The following ZNF831 variants were observed in gnomAD, a reference collection of about 807,000 sequenced individuals.
ZNF831 encodes zinc finger protein 831.
Under a neutral mutation model 95.8 loss-of-function variants are expected in ZNF831, and 59 were observed. The observed-to-expected ratio is 0.62, with a 90% CI of 0.50 to 0.77. ZNF831 has a LOEUF of 0.77. ZNF831 is among the 30% of genes least tolerant of loss of function. ZNF831 has a pLI of 0.00. For missense variants in ZNF831, 2,205 were observed against 2,164.0 expected (o/e 1.02, Z -0.38); for synonymous variants, 961 against 925.5 (o/e 1.04, Z -0.70).
In ZNF831 at chr20:59,253,983, C is replaced by G. The variant is rs1462086471; in HGVS notation, c.4274C>G (p.Thr1425Ser). The G allele has an allele frequency of 6.2e-7, 1 of 1,612,780 alleles. No homozygotes were observed. Among genetic ancestry groups the G allele is most frequent in the Admixed American group, 1.7e-5 (1 of 59,898 alleles). ...ATSGLSLQSD[T>S]CLAVVNDVPL... ...TCAGGATTATCTCTGCAATCTGACA[C>G]CTGCCTGGCAGTGGTTAATGACGTG... Residue 1425 changes from threonine to serine, a missense_variant, in exon 6 of 6, where the codon ACC becomes AGC. Coordinates refer to ENST00000371030, the MANE Select transcript of ZNF831 (RefSeq NM_178457.3).
rs1197508165 is a variant in ZNF831 at position 59,194,407 on chromosome 20, C to A, written c.3388C>A (p.Pro1130Thr). ...CCCCGACCCGTGTTCCCCCCTCCAGCCTGGCTCCTTCCTCACTGCCCTCAC... is the reference window on the plus strand; with the variant it reads ...CCCCGACCCGTGTTCCCCCCTCCAGACTGGCTCCTTCCTCACTGCCCTCAC... ...VGPDPCSPLQ[P>T]GSFLTALTRP... is the part of the protein sequence containing the mutation. Residue 1130 changes from proline to threonine, a missense_variant, in exon 2 of 6, where the codon CCT (proline) becomes ACT (threonine). Physicochemically the swap from Pro to Thr is conservative, Grantham distance 38 (BLOSUM62 -1). Transcript: ENST00000371030. 1 of 1,610,352 alleles carries A rather than the reference C, an allele frequency of 6.2e-7. No homozygotes were observed. Among genetic ancestry groups the A allele is most frequent in the Admixed American group, 1.7e-5 (1 of 59,760 alleles).
chr20:59,138,890 G>A (rs1295054436), intron 1 of ZNF831, among the ~76,000 whole-genome samples: 1 of 152,162 alleles, frequency 6.6e-6, no homozygotes, highest in Non-Finnish European at 1.5e-5. Flanking sequence ...GCCAGTGGAT[G>A]TTCCCTTGGA....
intron 4 of ZNF831, among the ~76,000 whole-genome samples, chr20:59,212,647 G>A (rs2146652757): frequency 6.6e-6 from 1 of 152,240 alleles, no homozygotes; most frequent in South Asian, 2.1e-4. Context: ...GAAGGGATTG[G>A]TAAGAAAGTT....
At chr20:59,123,418 C>A (rs1979067140) in exon 1 of ZNF831, 2 of 152,244 alleles carry the variant, frequency 1.3e-5, no homozygotes, top group African/African-American at 4.8e-5. Flanking sequence ...ACCAAAACAA[C>A]CCCAGCTAAG....
chr20:59,214,380 A>G (rs79522003), intron 4 of ZNF831, among the ~76,000 whole-genome samples: 20 of 152,280 alleles, frequency 1.3e-4, no homozygotes, highest in African/African-American at 4.3e-4. Flanking sequence ...GGTTAAATGC[A>G]TGTGTGATGG....
Position 59,254,555 on chromosome 20 carries a change from C to A in ZNF831, c.4846C>A (p.Gln1616Lys), listed in dbSNP as rs1380655526. The change falls in exon 6 of 6, where the codon CAG becomes AAG. Residue 1616 changes from glutamine to lysine, a missense_variant. Physicochemically the swap from Gln to Lys is moderately conservative, Grantham distance 53. Coordinates refer to ENST00000371030, the MANE Select transcript of ZNF831 (RefSeq NM_178457.3). The surrounding 1 kb of genome is among the most constrained non-coding windows in gnomAD (Gnocchi z 4.5). Reference sequence around the variant, plus strand: ...TTTAGGAAGTGACGGTAGGAAACGTCAGGTATCTGGATTAATCACTCGGAA... The same window carrying A: ...TTTAGGAAGTGACGGTAGGAAACGTAAGGTATCTGGATTAATCACTCGGAA... Reference protein sequence around the residue: ...PSLGSDGRKRQVSGLITRKDS... With the variant: ...PSLGSDGRKRKVSGLITRKDS... 6.2e-7 allele frequency: 1 copy of A among 1,614,064 alleles called. No individual in the cohort carries two copies. Among genetic ancestry groups the A allele is most frequent in the Non-Finnish European group, 8.5e-7 (1 of 1,180,044 alleles).
chr20:59,129,609 TGA>T (rs2146434756), intron 1 of ZNF831, among the ~76,000 whole-genome samples: 2 of 152,002 alleles, frequency 1.3e-5, no homozygotes, highest in East Asian at 3.9e-4. Context: ...GGTGACAGAG[TGA>T]GTCTCTGGCT....
chr20:59,205,233 T>TC (rs1984809268), intron 3 of ZNF831, among the ~76,000 whole-genome samples: 1 of 152,072 alleles, frequency 6.6e-6, no homozygotes, highest in Non-Finnish European at 1.5e-5. Flanking sequence ...ACCCCTTCCT[T>TC]CCTCCCTTTG....
chr20:59,155,492 A>G (rs1192287203), intron 2 of ZNF831, among the ~76,000 whole-genome samples: 3 of 152,192 alleles, frequency 2.0e-5, no homozygotes, highest in Non-Finnish European at 4.4e-5. Context: ...CATCTTGCTC[A>G]TTAGCTGGTC....
chr20:59,151,898 C>T (rs890278734), intron 2 of ZNF831, among the ~76,000 whole-genome samples: 2 of 152,178 alleles, frequency 1.3e-5, no homozygotes, highest in African/African-American at 4.8e-5. Flanking sequence ...AAGGTGTACA[C>T]CAAAGGCAGG....
chr20:59,220,325 C>G (rs1423033287), intron 4 of ZNF831, among the ~76,000 whole-genome samples: 1 of 152,206 alleles, frequency 6.6e-6, no homozygotes, highest in East Asian at 1.9e-4. Flanking sequence ...CACGGAGGCA[C>G]CAGGTGCGCC....
At chr20:59,204,200 A>G (rs1984723416) in intron 3 of ZNF831, among the ~76,000 whole-genome samples, 1 of 152,252 alleles carries the variant, frequency 6.6e-6, no homozygotes, top group African/African-American at 2.4e-5. Context: ...TGAGAATGCA[A>G]TTCTATTAGC....
At chr20:59,160,162 G>A (rs1016438625), upstream of ZNF831, 10 of 152,530 alleles carry the variant, frequency 6.6e-5, no homozygotes, top group South Asian at 2.1e-4. Flanking sequence ...GACTCCAGAA[G>A]AGGAGAGAGG....
chr20:59,177,314 A>T (rs997372073), intron 1 of ZNF831, among the ~76,000 whole-genome samples: 1 of 152,250 alleles, frequency 6.6e-6, no homozygotes, highest in Non-Finnish European at 1.5e-5. Context: ...GGGAAATAGT[A>T]TACTTGCCCA....
At chr20:59,203,976 T>C (rs1333386979) in intron 3 of ZNF831, among the ~76,000 whole-genome samples, 1 of 152,198 alleles carries the variant, frequency 6.6e-6, no homozygotes, top group African/African-American at 2.4e-5. Context: ...GATTAATTTA[T>C]AACTGTGTAC....
chr20:59,175,518 C>G (rs1479145195), intron 1 of ZNF831, among the ~76,000 whole-genome samples: 1 of 151,346 alleles, frequency 6.6e-6, no homozygotes, highest in Non-Finnish European at 1.5e-5. Flanking sequence ...TTTTTTCTGT[C>G]CTGTCCATTT....
chr20:59,241,901 G>C (rs1001587810), intron 4 of ZNF831, among the ~76,000 whole-genome samples: 10 of 152,204 alleles, frequency 6.6e-5, no homozygotes, highest in African/African-American at 2.4e-4. Context: ...AATCGCCTAA[G>C]TACTCCACGA....
At chr20:59,244,309 C>T (rs546586481) in intron 4 of ZNF831, among the ~76,000 whole-genome samples, 28 of 152,300 alleles carry the variant, frequency 1.8e-4, no homozygotes, top group African/African-American at 6.5e-4. Flanking sequence ...ATGAATCTCT[C>T]AGTTTTTCTG....
At chr20:59,190,109 T>C (rs905139604) in intron 1 of ZNF831, among the ~76,000 whole-genome samples, 11 of 152,260 alleles carry the variant, frequency 7.2e-5, no homozygotes, top group Admixed American at 7.2e-4. Context: ...GAACCAGTTT[T>C]GTCCTAACTC....
Sources: gnomAD v4.1 joint callset for allele counts (sites outside exome capture counted in the v4.1 genomes callset) on GRCh38, gnomAD v4.1.1 for gene constraint, Gnocchi (gnomAD v3.1) non-coding constraint, MANE v1.5 for transcripts, NCBI Gene and HGNC (gene_info 2026-07-23, HGNC 2026-07-21) for gene names.